FUT9: variants seen among roughly 807,000 people sequenced by gnomAD.
FUT9 encodes 4-galactosyl-N-acetylglucosaminide 3-alpha-L-fucosyltransferase 9.
A neutral mutation model predicts 29.7 loss-of-function variants in FUT9; 15 were observed. The ratio of observed to expected loss-of-function variants is 0.51; its 90% CI spans 0.34 to 0.78. The LOEUF (loss-of-function observed/expected upper bound fraction) is 0.78, where lower values mean the gene tolerates loss of function less well. Ranked by LOEUF, FUT9 falls within the 30% of genes least tolerant of loss-of-function variation. FUT9 has a pLI of 0.01. For missense variants in FUT9, 319 were observed against 425.4 expected (o/e 0.75, Z 2.20); for synonymous variants, 169 against 153.7 (o/e 1.10, Z -0.74).
chr6:96,043,330 G>A (rs554780153), intron 1 of FUT9, among the ~76,000 whole-genome samples: 1 of 152,292 alleles, frequency 6.6e-6, no homozygotes, highest in East Asian at 1.9e-4. Context: ...GATTACAGGC[G>A]TGAGCCACCG....
chr6:96,094,250 C>T (rs549593146), intron 1 of FUT9, among the ~76,000 whole-genome samples: 1 of 152,156 alleles, frequency 6.6e-6, no homozygotes, highest in East Asian at 1.9e-4. Context: ...CATGCCATCC[C>T]TTTGTCTAGT....
chr6:96,117,323 C>A (rs1337504730), intron 2 of FUT9, among the ~76,000 whole-genome samples: 2 of 152,172 alleles, frequency 1.3e-5, no homozygotes, highest in African/African-American at 4.8e-5. Flanking sequence ...GGAGAGATGG[C>A]TAAAATTAAC....
chr6:96,033,191 T>G (rs935276105), intron 1 of FUT9, among the ~76,000 whole-genome samples: 1 of 151,636 alleles, frequency 6.6e-6, no homozygotes, highest in African/African-American at 2.4e-5. Flanking sequence ...ATTAAAAGCT[T>G]ATTTGTTATC....
chr6:96,148,843 A>T (rs1772622313), intron 2 of FUT9, among the ~76,000 whole-genome samples: 1 of 152,146 alleles, frequency 6.6e-6, no homozygotes, highest in Non-Finnish European at 1.5e-5. Flanking sequence ...CTGGCTTAAA[A>T]TGTGGGCTGT....
At chr6:96,106,370 T>TA (rs1318138845) in intron 1 of FUT9, among the ~76,000 whole-genome samples, 1 of 152,122 alleles carries the variant, frequency 6.6e-6, no homozygotes, top group African/African-American at 2.4e-5. Flanking sequence ...CTCTTAAAAA[T>TA]ATGTGCTTTT....
chr6:96,145,282 T>G lies in FUT9; in HGVS notation c.-9+31155T>G, dbSNP rs147102855. On this transcript the variant is annotated intron_variant, in intron 2 of 2. Transcript: ENST00000302103. ...ACCGTGTTAGCTAGGATGGTCTCGATCTCCTGACCGTGATCCGCCCGCCTC... is the reference window on the plus strand; with the variant it reads ...ACCGTGTTAGCTAGGATGGTCTCGAGCTCCTGACCGTGATCCGCCCGCCTC... Among the ~76,000 whole-genome samples, 1,452 of 152,140 alleles carry G rather than the reference T, an allele frequency of 9.5e-3. 23 individuals carry two copies. The highest frequency in any genetic ancestry group is 0.034 in the African/African-American group (1,393 of 41,508).
At chr6:96,125,980 G>A (rs1772126420) in intron 2 of FUT9, among the ~76,000 whole-genome samples, 1 of 152,134 alleles carries the variant, frequency 6.6e-6, no homozygotes, top group Admixed American at 6.5e-5. Context: ...AAGCTTTTCA[G>A]CGAGTGAAGG....
At chr6:96,165,167 C>T (rs1302990314) in intron 2 of FUT9, among the ~76,000 whole-genome samples, 1 of 152,130 alleles carries the variant, frequency 6.6e-6, no homozygotes, top group African/African-American at 2.4e-5. Context: ...AGTGGTGGTT[C>T]ACACCTGTAA....
Position 96,020,647 on chromosome 6 carries a change from C to T in FUT9, c.-98+4435C>T, listed in dbSNP as rs78002276. ...TATTCTTGGTTATGGTGGCTCATCA[C>T]CATCATTTCATCTAGGAAGAATAAC... is the stretch of plus-strand genomic sequence containing the variant. On this transcript the variant is annotated intron_variant, in intron 1 of 2. Transcript: ENST00000302103. 2.9e-3 allele frequency among the ~76,000 whole-genome samples: 445 copies of T among 152,112 alleles called. 1 individual carries two copies. Among genetic ancestry groups the T allele is most frequent in the African/African-American group, 0.01 (423 of 41,514 alleles).
At chr6:96,105,761 A>G (rs1771667470) in intron 1 of FUT9, among the ~76,000 whole-genome samples, 1 of 152,064 alleles carries the variant, frequency 6.6e-6, no homozygotes, top group Admixed American at 6.6e-5. Context: ...CTGATCTGTT[A>G]TTTTTCACAG....
intron 2 of FUT9, among the ~76,000 whole-genome samples, chr6:96,115,426 C>T (rs556005648): frequency 5.9e-5 from 9 of 152,268 alleles, no homozygotes; most frequent in Non-Finnish European, 4.4e-5. Flanking sequence ...GTTGAATATA[C>T]TTGATCTATA....
chr6:96,101,895 A>G (rs867869349), intron 1 of FUT9, among the ~76,000 whole-genome samples: 1 of 151,756 alleles, frequency 6.6e-6, no homozygotes, highest in Non-Finnish European at 1.5e-5. Flanking sequence ...TACCTGGTCA[A>G]TGTCACCAGG....
chr6:96,157,822 C>CA (rs1163793877), intron 2 of FUT9, among the ~76,000 whole-genome samples: 1 of 151,990 alleles, frequency 6.6e-6, no homozygotes, highest in East Asian at 1.9e-4. Context: ...TCTGTTGATT[C>CA]AAAAATCACT....
intron 1 of FUT9, among the ~76,000 whole-genome samples, chr6:96,081,973 C>T (rs1261625639): frequency 6.6e-6 from 1 of 151,742 alleles, no homozygotes; most frequent in Non-Finnish European, 1.5e-5. Flanking sequence ...TTCCTTTCCT[C>T]TGAAATGTAC....
intron 2 of FUT9, among the ~76,000 whole-genome samples, chr6:96,152,303 G>A (rs1296045504): frequency 6.6e-6 from 1 of 152,172 alleles, no homozygotes; most frequent in African/African-American, 2.4e-5. Context: ...GAAGATCTGT[G>A]TAATGACCTA....
At chr6:96,166,096 T>A (rs1380867559) in intron 2 of FUT9, among the ~76,000 whole-genome samples, 8 of 151,838 alleles carry the variant, frequency 5.3e-5, no homozygotes, top group Non-Finnish European at 1.0e-4. Context: ...AAAGTAAAAA[T>A]TTTTAAAACA....
intron 2 of FUT9, among the ~76,000 whole-genome samples, chr6:96,161,853 T>C (rs1007614262): frequency 7.2e-5 from 11 of 152,226 alleles, no homozygotes; most frequent in African/African-American, 4.8e-5. Flanking sequence ...ATAATCACCA[T>C]TCCAAGAATT....
At chr6:96,084,148 C>CAG (rs1286532317) in intron 1 of FUT9, among the ~76,000 whole-genome samples, 174 of 152,098 alleles carry the variant, frequency 1.1e-3, no homozygotes, top group Non-Finnish European at 1.6e-4. Flanking sequence ...AAAATTAAAA[C>CAG]AGAGAGAGAG....
intron 2 of FUT9, among the ~76,000 whole-genome samples, chr6:96,158,994 A>T (rs1040295656): frequency 6.6e-6 from 1 of 152,174 alleles, no homozygotes; most frequent in African/African-American, 2.4e-5. Context: ...TTTCTTCAGA[A>T]CATCATATTG....
Sources: allele counts gnomAD v4.1 joint callset (sites outside exome capture counted in the v4.1 genomes callset), GRCh38; gene constraint gnomAD v4.1.1; transcripts MANE v1.5; gene names NCBI Gene and HGNC (gene_info 2026-07-23, HGNC 2026-07-21).